The following KLC4 variants were observed in gnomAD, a reference collection of about 807,000 sequenced individuals.
KLC4 encodes the protein kinesin-like protein 8.
In KLC4, 49 loss-of-function variants were observed where a neutral mutation model predicts 77.2. That is an observed-to-expected ratio of 0.63 (90% CI 0.50 to 0.80). The LOEUF (loss-of-function observed/expected upper bound fraction) is 0.80. KLC4 is among the 30% of genes least tolerant of loss of function. The pLI is 0.00. For synonymous variants in KLC4, 274 were observed against 314.5 expected, an observed-to-expected ratio of 0.87 and a Z score of 1.36; for missense variants, 669 against 793.5, an observed-to-expected ratio of 0.84 and a Z score of 1.89.
chr6:43,070,538 C>CTT, intron 7 of KLC4, 83 bp downstream of exon 7: 1 of 1,354,432 alleles, frequency 7.4e-7, no homozygotes, highest in Non-Finnish European at 1.0e-6. Flanking sequence ...TCCTCCTTCA[C>CTT]TTTTTTTTTC....
intron 1 of KLC4, chr6:43,060,480 G>T: frequency 7.3e-7 from 1 of 1,367,694 alleles, no homozygotes. Flanking sequence ...AGTGGTGAAA[G>T]AAGGGGTGGG....
chr6:43,071,812 C>T, intron 10 of KLC4, 40 bp from the exon 11 acceptor site: 1 of 1,596,186 alleles, frequency 6.3e-7, no homozygotes, highest in Non-Finnish European at 8.5e-7. Context: ...TTATATTTGG[C>T]TCTCCCTGCC....
chr6:43,070,646 A>C, intron 7 of KLC4, 46 bp from the exon 8 acceptor site: 1 of 1,581,546 alleles, frequency 6.3e-7, no homozygotes. Flanking sequence ...GCTTGTGCAC[A>C]CACATGTTAT....
intron 6 of KLC4, among the ~76,000 whole-genome samples, chr6:43,069,232 G>GTTTGT (rs374619938): frequency 0.017 from 2,568 of 152,042 alleles, 78 homozygotes; most frequent in African/African-American, 0.057. Flanking sequence ...TGAAAAGTTT[G>GTTTGT]TTTGTTTTGT....
intron 8 of KLC4, 72 bp from the exon 9 acceptor site, chr6:43,071,200 TAAA>T (rs540602192): frequency 0.026 from 15,905 of 620,408 alleles, no homozygotes; most frequent in Non-Finnish European, 0.028. Flanking sequence ...AGACCTTGTC[TAAA>T]AAAAAAAAAA....
intron 14 of KLC4, chr6:43,073,685 A>G: frequency 1.7e-6 from 1 of 577,876 alleles, no homozygotes; most frequent in Non-Finnish European, 3.0e-6. Flanking sequence ...ATGGTAAAGC[A>G]GGCAAGTAAA....
At position 43,067,974 on chromosome 6, in the gene KLC4, T is replaced by A. The variant is rs1320581162; in HGVS notation, c.879+891T>A. On this transcript the variant is annotated intron_variant, in intron 6 of 15. Transcript: ENST00000347162. ...AAAAATACAAAAAATTAGCCGGGCGTAGTGGCGGGCGCCTGTAGTCCCAGC... is the reference window on the plus strand; with the variant it reads ...AAAAATACAAAAAATTAGCCGGGCGAAGTGGCGGGCGCCTGTAGTCCCAGC... Among the ~76,000 whole-genome samples the A allele has an allele frequency of 1.9e-4, 19 of 101,900 alleles. 5 individuals are homozygous for A. Among genetic ancestry groups the A allele is most frequent in the Non-Finnish European group, 3.0e-4 (17 of 56,574 alleles). 66.9% of individuals were successfully genotyped at this position (101,900 alleles called of 152,430 possible).
intron 3 of KLC4, 164 bp from the exon 4 acceptor site, chr6:43,065,456 C>T: frequency 1.8e-6 from 1 of 555,940 alleles, no homozygotes; most frequent in Non-Finnish European, 3.3e-6. Flanking sequence ...AACAAGAGGC[C>T]TGAGCTTGGC....
Position 43,063,004 on chromosome 6 carries a change from A to C in KLC4, c.346A>C (p.Asn116His). The change falls in exon 3 of 16, where the codon AAC becomes CAC. Residue 116 changes from asparagine to histidine, a missense_variant. Coordinates refer to ENST00000347162, the MANE Select transcript of KLC4 (RefSeq NM_201521.3). ...RAQVRRLCQE[N>H]QWLRDELAGT... ...TCAGGTGCGGCGGCTATGCCAGGAG[A>C]ACCAGTGGCTGCGGGATGAGCTGGC... 6.2e-7 allele frequency: 1 copy of C among 1,614,172 alleles called. No individual in the cohort carries two copies. The highest frequency in any genetic ancestry group is 1.7e-4 in the Middle Eastern group (1 of 6,058).
In KLC4 at chr6:43,071,603, G is replaced by C. The variant is rs202069802; in HGVS notation, c.1292G>C (p.Arg431Pro). ...HKPIWMHAEE[R>P]EEMSKSRHHE... is the part of the protein sequence containing the mutation. ...CCCATCTGGATGCATGCAGAGGAGC[G>C]GGAGGAAATGAGCAAAGTGAGTGGG... Residue 431 changes from arginine (R) to proline (P), a missense_variant, in exon 10 of 16, where the codon CGG (arginine) becomes CCG (proline). Transcript: ENST00000347162. 2 of 1,613,524 alleles carry C rather than the reference G, an allele frequency of 1.2e-6. No individual in the cohort carries two copies. Among genetic ancestry groups the C allele is most frequent in the Non-Finnish European group, 1.7e-6 (2 of 1,179,954 alleles).
At chr6:43,062,224 T>C (rs1281177431) in intron 2 of KLC4, among the ~76,000 whole-genome samples, 3 of 152,162 alleles carry the variant, frequency 2.0e-5, no homozygotes, top group African/African-American at 7.2e-5. Flanking sequence ...CAAGTGGAAC[T>C]TGTAGGCCAC....
In KLC4 at chr6:43,060,312, T is replaced by C. The variant is rs62417468; in HGVS notation, c.-26+627T>C. The C allele has an allele frequency of 8.0e-3, 12,867 of 1,610,936 alleles. 69 individuals are homozygous for C. Among genetic ancestry groups the C allele is most frequent in the Non-Finnish European group, 9.5e-3 (11,210 of 1,177,870 alleles). Reference sequence around the variant, plus strand: ...GGTTAAGTCTCTCTCTCTCATTCCCTTCCTGGGAGACAGTAGCTCCCTAGG... The same window carrying C: ...GGTTAAGTCTCTCTCTCTCATTCCCCTCCTGGGAGACAGTAGCTCCCTAGG... On this transcript the variant is annotated intron_variant, in intron 1 of 15. Transcript: ENST00000347162.
At chr6:43,074,323 A>G (rs1376575444) in intron 15 of KLC4, 1 of 481,628 alleles carries the variant, frequency 2.1e-6, no homozygotes, top group East Asian at 3.4e-5. Flanking sequence ...AGTATTAAAT[A>G]ATCCCCATCT....
At chr6:43,070,933 G>GGGGGGGGGGGGT in intron 8 of KLC4, 68 bp downstream of exon 8, 2 of 360,518 alleles carry the variant, frequency 5.5e-6, no homozygotes, top group South Asian at 2.3e-5. Context: ...GGGAGGGGGG[G>GGGGGGGGGGGGT]CAGGCGGAGA....
intron 13 of KLC4, 50 bp downstream of exon 13, chr6:43,073,014 G>A (rs1197431995): frequency 6.5e-7 from 1 of 1,539,982 alleles, no homozygotes; most frequent in East Asian, 2.3e-5. Flanking sequence ...CCTGCTGGTG[G>A]TGGTGAGAGG....
At chr6:43,068,369 G>C (rs1221315155) in intron 6 of KLC4, among the ~76,000 whole-genome samples, 1 of 151,782 alleles carries the variant, frequency 6.6e-6, no homozygotes. Flanking sequence ...CTACTCAGGA[G>C]GCTGAGGCAG....
chr6:43,064,991 G>A (rs914730481), intron 3 of KLC4, among the ~76,000 whole-genome samples: 8 of 152,110 alleles, frequency 5.3e-5, no homozygotes, highest in Non-Finnish European at 8.8e-5. Context: ...TACAATCAAC[G>A]TAAACACACA....
chr6:43,063,050 A>G lies in KLC4; in HGVS notation c.392A>G (p.Gln131Arg). ...CTGGCTGGCACCCAGCAGCGGCTAC[A>G]GCGCAGTGAACAGGCTGTGGCTCAG... ...DELAGTQQRL[Q>R]RSEQAVAQLE... is the part of the protein sequence containing the mutation. The change falls in exon 3 of 16, where the codon CAG becomes CGG. Residue 131 changes from glutamine to arginine, a missense_variant. Coordinates refer to ENST00000347162, the MANE Select transcript of KLC4 (RefSeq NM_201521.3). The G allele has an allele frequency of 1.2e-6, 2 of 1,614,270 alleles. No individual in the cohort carries two copies. The highest frequency in any genetic ancestry group is 1.7e-5 in the Admixed American group (1 of 60,032).
chr6:43,074,915 G>C lies in KLC4; in HGVS notation c.*243G>C. 1 of 543,252 alleles carries C rather than the reference G, an allele frequency of 1.8e-6. No homozygotes were observed. The highest frequency in any genetic ancestry group is 3.3e-6 in the Non-Finnish European group (1 of 300,716). 33.7% of individuals were successfully genotyped at this position (543,252 alleles called of 1,614,324 possible). A position where few individuals can be genotyped will look rare whatever the true frequency, so the allele number is the denominator to read the frequency against. On this transcript the variant is annotated 3_prime_UTR_variant, in exon 16 of 16. Coordinates refer to ENST00000347162, the MANE Select transcript of KLC4 (RefSeq NM_201521.3). ...AGAGTAGCTAGCTCTGAGGCCCCAA[G>C]GTGGGTACAAAGCAGGTATGGCCCT...
Sources: gnomAD v4.1 joint callset for allele counts (sites outside exome capture counted in the v4.1 genomes callset) on GRCh38, gnomAD v4.1.1 for gene constraint, MANE v1.5 for transcripts, NCBI Gene and HGNC (gene_info 2026-07-23, HGNC 2026-07-21) for gene names.